The following PAK2 variants were observed in gnomAD, a reference collection of about 807,000 sequenced individuals.
PAK2 encodes p21 (RAC1) activated kinase 2.
A neutral mutation model predicts 65.9 loss-of-function variants in PAK2; 21 were observed. That is an observed-to-expected ratio of 0.32 (90% CI 0.23 to 0.46). PAK2 has a LOEUF of 0.46. Ranked by LOEUF, PAK2 falls within the 20% of genes least tolerant of loss-of-function variation. PAK2 has a pLI of 1.00. For missense variants in PAK2, 324 were observed against 642.6 expected, an observed-to-expected ratio of 0.50 and a Z score of 5.36; for synonymous variants, 204 against 219.7, an observed-to-expected ratio of 0.93 and a Z score of 0.63.
intron 1 of PAK2, among the ~76,000 whole-genome samples, chr3:196,750,959 C>T (rs1025334754): frequency 6.6e-6 from 1 of 152,090 alleles, no homozygotes; most frequent in African/African-American, 2.4e-5. Context: ...TGTGGTACAA[C>T]TTTCCCTACC....
In PAK2 at chr3:196,791,026, C is replaced by T. The variant is rs893855411; in HGVS notation, c.187+8193C>T. ...TTGAAGCTATGCAAAACTCCCCGGC[C>T]TTCCAAGCAGGTTTGCTTTTTTCTA... On this transcript the variant is annotated intron_variant, in intron 2 of 14. Coordinates refer to ENST00000327134, the MANE Select transcript of PAK2 (RefSeq NM_002577.4). The surrounding 1 kb of genome is among the most constrained non-coding windows in gnomAD (Gnocchi z 4.0). Among the ~76,000 whole-genome samples the T allele has an allele frequency of 2.0e-5, 3 of 152,212 alleles. No individual in the cohort carries two copies. The highest frequency in any genetic ancestry group is 7.2e-5 in the African/African-American group (3 of 41,458).
chr3:196,774,338 T>C (rs2108732623), intron 1 of PAK2, among the ~76,000 whole-genome samples: 1 of 152,278 alleles, frequency 6.6e-6, no homozygotes, highest in Non-Finnish European at 1.5e-5. Context: ...GTAAGTTGGT[T>C]TTTTTTCACA....
chr3:196,799,968 G>A (rs180986526), intron 2 of PAK2, among the ~76,000 whole-genome samples: 21 of 152,152 alleles, frequency 1.4e-4, no homozygotes, highest in East Asian at 1.9e-4. Context: ...CTGATAAAGC[G>A]TACCGAACGG....
At chr3:196,821,126 C>G (rs1388211593) in intron 13 of PAK2, among the ~76,000 whole-genome samples, 1 of 152,122 alleles carries the variant, frequency 6.6e-6, no homozygotes, top group African/African-American at 2.4e-5. Flanking sequence ...CAGGTGTGAA[C>G]AACTGCACCT....
At chr3:196,743,852 A>G (rs946499690) in intron 1 of PAK2, among the ~76,000 whole-genome samples, 5 of 152,214 alleles carry the variant, frequency 3.3e-5, no homozygotes, top group African/African-American at 1.2e-4. Context: ...ACTGCACTTC[A>G]GCCTGGGTGA....
intron 11 of PAK2, among the ~76,000 whole-genome samples, chr3:196,816,519 G>GT (rs1218531159): frequency 6.6e-6 from 1 of 151,978 alleles, no homozygotes; most frequent in African/African-American, 2.4e-5. Context: ...TCTAATTTGG[G>GT]TTTTCTTTTG....
At chr3:196,825,397 A>G (rs190256486) in intron 13 of PAK2, among the ~76,000 whole-genome samples, 21 of 151,730 alleles carry the variant, frequency 1.4e-4, no homozygotes, top group Non-Finnish European at 2.4e-4. Flanking sequence ...TAATCCCAGC[A>G]CTTTGGGAGG....
chr3:196,811,319 CTTCCT>C (rs1715807026), intron 8 of PAK2, among the ~76,000 whole-genome samples: 1 of 51,318 alleles, frequency 1.9e-5, no homozygotes, highest in Non-Finnish European at 3.9e-5. Flanking sequence ...CCTTCCTTTC[CTTCCT>C]TCCCTTCCCT....
intron 1 of PAK2, among the ~76,000 whole-genome samples, chr3:196,754,026 T>G (rs192246740): frequency 1.6e-3 from 249 of 152,298 alleles, no homozygotes; most frequent in African/African-American, 5.4e-3. Context: ...TGCCCTTTTT[T>G]ACCACTCGTT....
At chr3:196,745,282 ATTTTTTTTTTTT>A (rs34194625) in intron 1 of PAK2, among the ~76,000 whole-genome samples, 23 of 92,766 alleles carry the variant, frequency 2.5e-4, no homozygotes, top group African/African-American at 1.0e-3. Flanking sequence ...CACCCAACTG[ATTTTTTTTTTTT>A]TTTTTTTTTT....
intron 13 of PAK2, among the ~76,000 whole-genome samples, chr3:196,821,090 C>T (rs1181434604): frequency 6.6e-6 from 1 of 152,150 alleles, no homozygotes; most frequent in Non-Finnish European, 1.5e-5. Context: ...ATCCACTCGC[C>T]TCGGCTTCCC....
intron 1 of PAK2, among the ~76,000 whole-genome samples, chr3:196,752,253 A>G (rs2108711854): frequency 6.6e-6 from 1 of 152,000 alleles, no homozygotes; most frequent in Non-Finnish European, 1.5e-5. Flanking sequence ...TTATCTGTTC[A>G]CCTATCAATG....
intron 2 of PAK2, among the ~76,000 whole-genome samples, chr3:196,787,373 G>C (rs932772641): frequency 1.6e-4 from 25 of 151,978 alleles, no homozygotes; most frequent in Non-Finnish European, 3.1e-4. Context: ...GAGGTCAGGA[G>C]AGCGAGACCA....
rs1711603770 is a variant in PAK2 at position 196,820,199 on chromosome 3, T to A, written c.1154-172T>A. On this transcript the variant is annotated intron_variant, in intron 12 of 14. Coordinates refer to ENST00000327134, the MANE Select transcript of PAK2 (RefSeq NM_002577.4). This position sits in a 1 kb window ranked among gnomAD's most constrained non-coding sequence, Gnocchi z 4.6. ...GGCAAGTAAAAGTAAAATGTGAGAG[T>A]GTGTTACATCATGAAAATATTTTTA... is the stretch of plus-strand genomic sequence containing the variant. Among the ~76,000 whole-genome samples, 3 of 152,230 alleles carry A rather than the reference T, an allele frequency of 2.0e-5. No individual in the cohort carries two copies. The highest frequency in any genetic ancestry group is 7.2e-5 in the African/African-American group (3 of 41,556).
chr3:196,757,844 C>T (rs777728977), intron 1 of PAK2, among the ~76,000 whole-genome samples: 5 of 152,104 alleles, frequency 3.3e-5, no homozygotes, highest in Non-Finnish European at 7.4e-5. Flanking sequence ...TTTAGACTCA[C>T]GACCTGGGGT....
intron 4 of PAK2, among the ~76,000 whole-genome samples, chr3:196,804,970 C>T (rs1715541336): frequency 6.6e-6 from 1 of 151,872 alleles, no homozygotes; most frequent in Admixed American, 6.6e-5. Flanking sequence ...GCATTAAGTT[C>T]CTCAGTCAGC....
chr3:196,797,634 C>G (rs1165430179), intron 2 of PAK2, among the ~76,000 whole-genome samples: 5 of 151,986 alleles, frequency 3.3e-5, no homozygotes, highest in Non-Finnish European at 7.4e-5. Flanking sequence ...CACCTGTAAT[C>G]CCAGCTACTT....
At chr3:196,764,174 C>T (rs2108723537) in intron 1 of PAK2, among the ~76,000 whole-genome samples, 1 of 152,096 alleles carries the variant, frequency 6.6e-6, no homozygotes, top group East Asian at 1.9e-4. Context: ...TATAAACAGA[C>T]ACTGGGAAAA....
chr3:196,751,694 T>TATATATAA (rs1211217848), intron 1 of PAK2, among the ~76,000 whole-genome samples: 1 of 45,874 alleles, frequency 2.2e-5, no homozygotes, highest in Non-Finnish European at 4.4e-5. Context: ...TATATATATA[T>TATATATAA]AATTCAGGCT....
Sources: gnomAD v4.1 joint callset for allele counts (sites outside exome capture counted in the v4.1 genomes callset) on GRCh38, gnomAD v4.1.1 for gene constraint, Gnocchi (gnomAD v3.1) non-coding constraint, MANE v1.5 for transcripts, NCBI Gene and HGNC (gene_info 2026-07-23, HGNC 2026-07-21) for gene names.